The following IMMP2L variants were observed in gnomAD, a reference collection of about 807,000 sequenced individuals.
IMMP2L encodes inner mitochondrial membrane peptidase subunit 2.
IMMP2L carries 18 observed loss-of-function variants against 19.3 expected under a neutral mutation model. The observed-to-expected ratio is 0.93, with a 90% confidence interval of 0.64 to 1.38. The LOEUF (loss-of-function observed/expected upper bound fraction) is 1.38, where lower values mean the gene tolerates loss of function less well. Among genes scored for constraint, IMMP2L ranks in the 40% most tolerant of loss-of-function variants. The pLI, the probability that IMMP2L is intolerant of heterozygous loss-of-function variation, is 0.00. For missense variants in IMMP2L, 233 were observed against 218.2 expected (o/e 1.07, Z -0.43); for synonymous variants, 76 against 73.0 (o/e 1.04, Z -0.21).
chr7:111,060,159 G>T (rs1793890761), intron 3 of IMMP2L, among the ~76,000 whole-genome samples: 2 of 152,126 alleles, frequency 1.3e-5, no homozygotes, highest in African/African-American at 4.8e-5. Flanking sequence ...ATATTCATTT[G>T]CTATCAAGAT....
At chr7:110,807,784 A>G (rs1801732288) in intron 5 of IMMP2L, among the ~76,000 whole-genome samples, 1 of 152,064 alleles carries the variant, frequency 6.6e-6, no homozygotes, top group African/African-American at 2.4e-5. Context: ...TCAATTCTGT[A>G]TGCAAATCTT....
intron 3 of IMMP2L, among the ~76,000 whole-genome samples, chr7:111,293,975 G>C (rs1490899105): frequency 6.6e-6 from 1 of 151,896 alleles, no homozygotes; most frequent in Non-Finnish European, 1.5e-5. Context: ...GATATTAATA[G>C]AACAGAGAAA....
At chr7:111,110,876 T>C (rs1799114528) in intron 3 of IMMP2L, among the ~76,000 whole-genome samples, 1 of 152,210 alleles carries the variant, frequency 6.6e-6, no homozygotes, top group African/African-American at 2.4e-5. Context: ...TCTTAAATCA[T>C]GTGACTGTGA....
At position 111,487,141 on chromosome 7, in the gene IMMP2L, T is replaced by A. The variant is rs573316130; in HGVS notation, c.239+97A>T. On this transcript the variant is annotated intron_variant, in intron 3 of 5. Transcript: ENST00000405709. Reference sequence around the variant, plus strand: ...TGTATTTAACATGTATTCAATTTAATAATTGGCAATATGATATTAACAGTG... The same window carrying A: ...TGTATTTAACATGTATTCAATTTAAAAATTGGCAATATGATATTAACAGTG... The A allele has an allele frequency of 5.2e-6, 3 of 574,012 alleles. No homozygotes were observed. The African/African-American group carries it at 5.6e-5, about 11-fold the overall frequency. 35.6% of individuals were successfully genotyped at this position (574,012 alleles called of 1,614,324 possible). A position where few individuals can be genotyped will look rare whatever the true frequency, so the allele number is the denominator to read the frequency against.
At chr7:111,480,784 T>A (rs1001585103) in intron 3 of IMMP2L, among the ~76,000 whole-genome samples, 2 of 152,096 alleles carry the variant, frequency 1.3e-5, no homozygotes, top group African/African-American at 2.4e-5. Flanking sequence ...CAGATAAGTA[T>A]ACACAATTAT....
chr7:111,147,409 G>A (rs1803596109), intron 3 of IMMP2L, among the ~76,000 whole-genome samples: 1 of 152,120 alleles, frequency 6.6e-6, no homozygotes, highest in Non-Finnish European at 1.5e-5. Flanking sequence ...CAAAATGAGA[G>A]CATTGACTGA....
intron 5 of IMMP2L, among the ~76,000 whole-genome samples, chr7:110,754,995 G>C (rs752680923): frequency 6.6e-6 from 1 of 151,690 alleles, no homozygotes; most frequent in Non-Finnish European, 1.5e-5. Context: ...ACTCCAATTA[G>C]TACATGCTTG....
intron 5 of IMMP2L, among the ~76,000 whole-genome samples, chr7:110,831,911 A>C (rs565724426): frequency 2.0e-5 from 3 of 152,292 alleles, no homozygotes; most frequent in Admixed American, 2.0e-4. Context: ...CCCTAATTGA[A>C]GCTAAAGGTC....
intron 3 of IMMP2L, among the ~76,000 whole-genome samples, chr7:111,135,600 C>A (rs1487912976): frequency 1.3e-5 from 2 of 152,196 alleles, no homozygotes; most frequent in Non-Finnish European, 1.5e-5. Flanking sequence ...GAAATCCCAA[C>A]ATTACCATCA....
chr7:111,459,590 CAATG>C, intron 3 of IMMP2L, among the ~76,000 whole-genome samples: 1 of 152,146 alleles, frequency 6.6e-6, no homozygotes, highest in South Asian at 2.1e-4. Context: ...CTGCTTTGAG[CAATG>C]AAATACAAGC....
At chr7:111,095,577 T>A (rs2129578665) in intron 3 of IMMP2L, among the ~76,000 whole-genome samples, 1 of 152,162 alleles carries the variant, frequency 6.6e-6, no homozygotes, top group South Asian at 2.1e-4. Flanking sequence ...ATCATTTGAA[T>A]ATAGTTTACC....
intron 5 of IMMP2L, among the ~76,000 whole-genome samples, chr7:110,833,747 G>C (rs1804183164): frequency 6.6e-6 from 1 of 152,120 alleles, no homozygotes; most frequent in Non-Finnish European, 1.5e-5. Context: ...TATTTCAATG[G>C]TAACTCAGCT....
rs1198570269 is a variant in IMMP2L, at chr7:110,757,244, G to A, written c.409-93523C>T. ...CTGGCTTCACGGGTGTGCAATCTGG[G>A]GAGTCACTGAGGGAACCACATCCAG... On this transcript the variant is annotated intron_variant, in intron 5 of 5. Transcript: ENST00000405709. The surrounding 1 kb of genome is among the most constrained non-coding windows in gnomAD (Gnocchi z 4.2). 6.6e-6 allele frequency among the ~76,000 whole-genome samples: 1 copy of A among 151,994 alleles called. No individual in the cohort carries two copies. The highest frequency in any genetic ancestry group is 1.5e-5 in the Non-Finnish European group (1 of 67,982).
intron 1 of IMMP2L, among the ~76,000 whole-genome samples, chr7:111,537,210 T>C (rs1012334342): frequency 1.7e-4 from 26 of 152,064 alleles, no homozygotes; most frequent in Non-Finnish European, 7.4e-5. Flanking sequence ...AAAAGGGCCA[T>C]AAAAATAAAA....
intron 3 of IMMP2L, among the ~76,000 whole-genome samples, chr7:111,116,011 G>C (rs985834195): frequency 2.0e-5 from 3 of 152,060 alleles, no homozygotes; most frequent in Non-Finnish European, 4.4e-5. Context: ...TCCCCATGTA[G>C]CACAAGCCTC....
At chr7:111,344,866 A>G (rs925219908) in intron 3 of IMMP2L, among the ~76,000 whole-genome samples, 5 of 152,146 alleles carry the variant, frequency 3.3e-5, no homozygotes, top group African/African-American at 1.2e-4. Context: ...AATTTTAATA[A>G]GAGAGAACAA....
chr7:110,953,501 TC>T (rs778792176), intron 4 of IMMP2L, among the ~76,000 whole-genome samples: 1 of 152,116 alleles, frequency 6.6e-6, no homozygotes, highest in Admixed American at 6.6e-5. Flanking sequence ...CATGAACTCA[TC>T]CTTTTTTATG....
intron 3 of IMMP2L, among the ~76,000 whole-genome samples, chr7:111,266,439 T>C (rs1587138458): frequency 6.7e-6 from 1 of 148,948 alleles, no homozygotes; most frequent in South Asian, 2.1e-4. Context: ...GCTACTGGGG[T>C]GGCTGAGACA....
At chr7:111,374,687 C>A (rs1466523211) in intron 3 of IMMP2L, among the ~76,000 whole-genome samples, 3 of 152,052 alleles carry the variant, frequency 2.0e-5, no homozygotes, top group Non-Finnish European at 4.4e-5. Context: ...TGGCTTTGGC[C>A]TTAAATCAAA....
Sources: allele counts gnomAD v4.1 joint callset (sites outside exome capture counted in the v4.1 genomes callset), GRCh38; gene constraint gnomAD v4.1.1; non-coding constraint Gnocchi (gnomAD v3.1); transcripts MANE v1.5; gene names NCBI Gene and HGNC (gene_info 2026-07-23, HGNC 2026-07-21).